RCAN2: variants seen among roughly 807,000 people sequenced by gnomAD.
RCAN2 encodes the protein calcipressin-2.
A neutral mutation model predicts 23.6 loss-of-function variants in RCAN2; 9 were observed. The ratio of observed to expected loss-of-function variants is 0.38; its 90% CI spans 0.23 to 0.67. The LOEUF is 0.67. Among genes scored for constraint, RCAN2 ranks in the 30% least tolerant of loss-of-function variants. The pLI is 0.51. For synonymous variants in RCAN2, 109 were observed against 115.7 expected, an observed-to-expected ratio of 0.94 and a Z score of 0.37; for missense variants, 273 against 302.3, an observed-to-expected ratio of 0.90 and a Z score of 0.72.
rs1561834014 is a variant in RCAN2 at position 46,263,519 on chromosome 6, GTATGTGTGTGTGTGTGTGTA to G, written c.226-14643_226-14624del. On this transcript the variant is annotated intron_variant, in intron 2 of 4. Coordinates refer to ENST00000371374, the MANE Select transcript of RCAN2 (RefSeq NM_001251974.2). ...TATGTGTGTATGTGTGTGTATGTGTGTATGTGTGTGTGTGTGTGTATGTGTGTGTGTGTGTGTGTGTATGT... is the reference window on the plus strand; with the variant it reads ...TATGTGTGTATGTGTGTGTATGTGTGTGTGTGTGTGTGTGTGTGTGTATGT... 1.4e-3 allele frequency among the ~76,000 whole-genome samples: 90 copies of G among 64,222 alleles called. 1 individual carries two copies. Among genetic ancestry groups the G allele is most frequent in the African/African-American group, 4.5e-3 (82 of 18,228 alleles). 42.1% of individuals were successfully genotyped at this position (64,222 alleles called of 152,430 possible). A position where few individuals can be genotyped will look rare whatever the true frequency, so the allele number is the denominator to read the frequency against.
chr6:46,325,706 C>T, intron 2 of RCAN2: 5 of 1,342,712 alleles, frequency 3.7e-6, no homozygotes, highest in Non-Finnish European at 4.8e-6. Context: ...AATGACATCA[C>T]CACAAAGACT....
intron 2 of RCAN2, among the ~76,000 whole-genome samples, chr6:46,286,541 T>G (rs1762378913): frequency 6.6e-6 from 1 of 152,212 alleles, no homozygotes. Context: ...GTGAAAGGCA[T>G]CAAATTCTGT....
intron 2 of RCAN2, among the ~76,000 whole-genome samples, chr6:46,394,194 A>T (rs1766019406): frequency 6.6e-6 from 1 of 152,238 alleles, no homozygotes; most frequent in African/African-American, 2.4e-5. Context: ...TGATGTCATT[A>T]ACAGTGATCA....
At chr6:46,457,183 G>A (rs1423628018) in intron 1 of RCAN2, among the ~76,000 whole-genome samples, 1 of 152,042 alleles carries the variant, frequency 6.6e-6, no homozygotes, top group Non-Finnish European at 1.5e-5. Flanking sequence ...TCTGCTCTGG[G>A]GCAAGAACCG....
At chr6:46,278,906 A>G (rs1436503666) in intron 2 of RCAN2, among the ~76,000 whole-genome samples, 2 of 152,100 alleles carry the variant, frequency 1.3e-5, no homozygotes, top group Non-Finnish European at 2.9e-5. Context: ...CTACTCCTTA[A>G]CTGCACACCT....
chr6:46,223,366 G>C (rs905394196), intron 4 of RCAN2, 65 bp from the exon 5 acceptor site: 1 of 1,470,356 alleles, frequency 6.8e-7, no homozygotes, highest in Non-Finnish European at 9.4e-7. Flanking sequence ...CTGGAGCAGG[G>C]TCTGCTTAGG....
At chr6:46,462,628 T>C (rs550980109) in intron 1 of RCAN2, among the ~76,000 whole-genome samples, 37 of 134,498 alleles carry the variant, frequency 2.8e-4, no homozygotes, top group Non-Finnish European at 4.4e-4. Flanking sequence ...AGTGAAAAAA[T>C]TTCTTTTCCC....
intron 2 of RCAN2, among the ~76,000 whole-genome samples, chr6:46,357,110 C>T (rs1397276358): frequency 1.3e-5 from 2 of 152,156 alleles, no homozygotes; most frequent in African/African-American, 4.8e-5. Flanking sequence ...CCATATCAGG[C>T]TGCCTCTGCC....
intron 2 of RCAN2, among the ~76,000 whole-genome samples, chr6:46,299,082 A>G (rs1762824166): frequency 6.6e-6 from 1 of 152,040 alleles, no homozygotes; most frequent in African/African-American, 2.4e-5. Flanking sequence ...GATGGGAACA[A>G]CAGACACTGG....
chr6:46,343,729 C>A (rs765338219), intron 2 of RCAN2, among the ~76,000 whole-genome samples: 1 of 151,962 alleles, frequency 6.6e-6, no homozygotes, highest in Admixed American at 6.6e-5. Context: ...AACATATGAC[C>A]CAGGAATTCC....
At chr6:46,415,192 T>G (rs1197764860) in intron 2 of RCAN2, among the ~76,000 whole-genome samples, 4 of 152,188 alleles carry the variant, frequency 2.6e-5, no homozygotes, top group Non-Finnish European at 5.9e-5. Flanking sequence ...CAGAGACCAC[T>G]GCACTATCCA....
intron 4 of RCAN2, among the ~76,000 whole-genome samples, chr6:46,231,945 C>A (rs1471959367): frequency 6.6e-6 from 1 of 152,156 alleles, no homozygotes; most frequent in Non-Finnish European, 1.5e-5. Flanking sequence ...TAGAACCAGC[C>A]ACAGCCATTG....
At chr6:46,349,017 T>C (rs903264564) in intron 2 of RCAN2, among the ~76,000 whole-genome samples, 2 of 152,170 alleles carry the variant, frequency 1.3e-5, no homozygotes, top group African/African-American at 4.8e-5. Flanking sequence ...TATTTCATAA[T>C]AGGACAGTTG....
chr6:46,327,510 A>C (rs1763831288), intron 2 of RCAN2, among the ~76,000 whole-genome samples: 1 of 152,218 alleles, frequency 6.6e-6, no homozygotes, highest in Non-Finnish European at 1.5e-5. Context: ...AACCTGGCCA[A>C]CATGAAGTAC....
At chr6:46,361,605 C>A (rs922074776) in intron 2 of RCAN2, among the ~76,000 whole-genome samples, 13 of 152,094 alleles carry the variant, frequency 8.5e-5, no homozygotes, top group African/African-American at 3.1e-4. Context: ...AAAATGACTT[C>A]GTTTAAAGTT....
At chr6:46,285,580 G>A (rs2150341660) in intron 2 of RCAN2, among the ~76,000 whole-genome samples, 1 of 152,326 alleles carries the variant, frequency 6.6e-6, no homozygotes, top group East Asian at 1.9e-4. Context: ...TTCTTGGTAA[G>A]TTCTTCTAGT....
At chr6:46,302,408 G>C (rs1762930246) in intron 2 of RCAN2, among the ~76,000 whole-genome samples, 1 of 152,044 alleles carries the variant, frequency 6.6e-6, no homozygotes, top group Non-Finnish European at 1.5e-5. Context: ...GTCCAAGAGA[G>C]GATCTGCAGA....
chr6:46,471,849 A>G (rs1156614192), intron 1 of RCAN2, among the ~76,000 whole-genome samples: 2 of 152,150 alleles, frequency 1.3e-5, no homozygotes, highest in South Asian at 2.1e-4. Flanking sequence ...CACTTAAAAT[A>G]GTATAGGAAC....
chr6:46,325,571 C>A, intron 2 of RCAN2: 1 of 1,554,836 alleles, frequency 6.4e-7, no homozygotes, highest in Non-Finnish European at 8.7e-7. Flanking sequence ...GTGGCCAGGC[C>A]TCGGTGCTGC....
Sources: gnomAD v4.1 joint callset for allele counts (sites outside exome capture counted in the v4.1 genomes callset) on GRCh38, gnomAD v4.1.1 for gene constraint, MANE v1.5 for transcripts, NCBI Gene and HGNC (gene_info 2026-07-23, HGNC 2026-07-21) for gene names.